FAM184B: variants seen among roughly 807,000 people sequenced by gnomAD.
FAM184B encodes the protein family with sequence similarity 184 member B.
In FAM184B, 111 loss-of-function variants were observed where a neutral mutation model predicts 135.9. The ratio of observed to expected loss-of-function variants is 0.82; its 90% CI spans 0.70 to 0.96. The LOEUF is 0.96. Ranked by LOEUF, FAM184B falls within the 40% of genes least tolerant of loss-of-function variation. The pLI is 0.00. For synonymous variants in FAM184B, 552 were observed against 524.8 expected (o/e 1.05, Z -0.71); for missense variants, 1,375 against 1,323.9 (o/e 1.04, Z -0.60).
At chr4:17,664,699 A>C in intron 7 of FAM184B, 40 bp from the exon 8 acceptor site, 1 of 1,441,642 alleles carries the variant, frequency 6.9e-7, no homozygotes, top group Non-Finnish European at 9.4e-7. Context: ...AAAAAAGGCA[A>C]GATGAGCTTA....
At chr4:17,778,997 A>G (rs1469491606) in intron 1 of FAM184B, among the ~76,000 whole-genome samples, 2 of 152,256 alleles carry the variant, frequency 1.3e-5, no homozygotes, top group African/African-American at 4.8e-5. Context: ...TGTTAGCAAA[A>G]AAATCAGAGT....
chr4:17,709,688 G>A, intron 1 of FAM184B, 44 bp from the exon 2 acceptor site: 1 of 1,442,974 alleles, frequency 6.9e-7, no homozygotes, highest in Non-Finnish European at 9.1e-7. Flanking sequence ...AGGGGGCTGG[G>A]GTGTGGGAGG....
intron 10 of FAM184B, among the ~76,000 whole-genome samples, chr4:17,654,200 T>C (rs918936134): frequency 3.3e-5 from 5 of 151,958 alleles, no homozygotes; most frequent in Non-Finnish European, 5.9e-5. Flanking sequence ...CTGCTTTTTT[T>C]TTTTTTTCCA....
chr4:17,696,212 G>C (rs6837664), intron 5 of FAM184B, among the ~76,000 whole-genome samples: 93,077 of 152,054 alleles, frequency 0.61, 29,063 homozygotes, highest in East Asian at 0.93. Context: ...ACTTAAAGAG[G>C]TTAAACGCCT....
chr4:17,708,700 TATATATATA>T (rs1473183013), intron 2 of FAM184B, among the ~76,000 whole-genome samples, 183 bp downstream of exon 2: 18 of 54,252 alleles, frequency 3.3e-4, no homozygotes, highest in East Asian at 8.0e-4. Flanking sequence ...TATATATATA[TATATATATA>T]GTGTCTGTGT....
intron 8 of FAM184B, among the ~76,000 whole-genome samples, chr4:17,663,230 C>A (rs1019314245): frequency 7.9e-5 from 12 of 152,172 alleles, no homozygotes; most frequent in Admixed American, 3.9e-4. Flanking sequence ...AGCCACCATG[C>A]CCGGCCTCAC....
At chr4:17,746,770 G>T (rs996928035) in intron 1 of FAM184B, among the ~76,000 whole-genome samples, 1 of 151,228 alleles carries the variant, frequency 6.6e-6, no homozygotes, top group Non-Finnish European at 1.5e-5. Flanking sequence ...GGGCACGATG[G>T]CTCACACCTG....
chr4:17,748,490 T>G (rs1260311291), intron 1 of FAM184B, among the ~76,000 whole-genome samples: 3 of 149,068 alleles, frequency 2.0e-5, no homozygotes, highest in African/African-American at 7.4e-5. Flanking sequence ...TCCCTTACTT[T>G]AATCCTCTTG....
At chr4:17,767,414 T>C (rs931932782) in intron 1 of FAM184B, among the ~76,000 whole-genome samples, 1 of 152,104 alleles carries the variant, frequency 6.6e-6, no homozygotes, top group Non-Finnish European at 1.5e-5. Context: ...TTGGTTCCTA[T>C]GAAAACAGGA....
rs918013873 is a variant in FAM184B at position 17,652,848 on chromosome 4, G to T, written c.2173C>A (p.Gln725Lys). 6 of 1,551,324 alleles carry T rather than the reference G, an allele frequency of 3.9e-6. No homozygotes were observed. Among genetic ancestry groups the T allele is most frequent in the Non-Finnish European group, 5.2e-6 (6 of 1,146,966 alleles). ...TGTATACCTAGCAGCAGGGCCTGCT[G>T]TGCCTGCATCCTCTCACGCTCCTCC... ...LQEERERMQA[Q>K]QALLLESLRQ... The change falls in exon 11 of 18, where the codon CAG (glutamine) becomes AAG (lysine). Residue 725 changes from glutamine (Q) to lysine (K), a missense_variant. By Grantham distance (53) the Gln-to-Lys change is moderately conservative. Transcript: ENST00000265018.
intron 6 of FAM184B, among the ~76,000 whole-genome samples, chr4:17,690,198 C>T (rs1716700346): frequency 6.6e-6 from 1 of 151,996 alleles, no homozygotes; most frequent in Non-Finnish European, 1.5e-5. Context: ...CAGGGGCATT[C>T]AAGCAGCTTA....
At chr4:17,773,135 T>A (rs573717311) in intron 1 of FAM184B, among the ~76,000 whole-genome samples, 1 of 152,220 alleles carries the variant, frequency 6.6e-6, no homozygotes, top group Non-Finnish European at 1.5e-5. Context: ...ATTAATACGA[T>A]GTTGGACAAG....
rs180726943 is a variant in FAM184B, at chr4:17,749,106, T to A, written c.141+32053A>T. Among the ~76,000 whole-genome samples the A allele has an allele frequency of 2.1e-4, 32 of 151,882 alleles. 1 individual carries two copies. The East Asian group carries it at 6.0e-3, about 28-fold the overall frequency. On this transcript the variant is annotated intron_variant, in intron 1 of 17. Transcript: ENST00000265018. ...ACTTCAACCTCCTGAGTAGCTGGGA[T>A]TACAGGCAGAGCCACTATGCTCAGC...
At chr4:17,726,701 C>T (rs537285715) in intron 1 of FAM184B, among the ~76,000 whole-genome samples, 4 of 152,248 alleles carry the variant, frequency 2.6e-5, no homozygotes, top group African/African-American at 9.6e-5. Context: ...CTACTTTTCC[C>T]CATCCCATAG....
intron 7 of FAM184B, 131 bp downstream of exon 7, chr4:17,688,293 G>A (rs1419501021): frequency 1.1e-5 from 7 of 618,288 alleles, no homozygotes; most frequent in Admixed American, 3.7e-5. Flanking sequence ...TTTTTTTTCC[G>A]GGCATTTTGG....
chr4:17,719,830 A>G (rs974918909), intron 1 of FAM184B, among the ~76,000 whole-genome samples: 2 of 152,194 alleles, frequency 1.3e-5, no homozygotes, highest in Non-Finnish European at 2.9e-5. Flanking sequence ...CCACTCAAAC[A>G]GCTCATCAGA....
intron 1 of FAM184B, among the ~76,000 whole-genome samples, chr4:17,742,178 T>TG (rs1182812885): frequency 1.4e-5 from 2 of 141,250 alleles, no homozygotes; most frequent in Non-Finnish European, 3.1e-5. Context: ...ATTTTTTTTT[T>TG]TTAAAGAGGC....
At chr4:17,702,036 G>T (rs1283810607) in intron 5 of FAM184B, among the ~76,000 whole-genome samples, 2 of 152,172 alleles carry the variant, frequency 1.3e-5, no homozygotes, top group Non-Finnish European at 2.9e-5. Flanking sequence ...CAATGCGCAG[G>T]GCCCAGTGTG....
At chr4:17,659,565 T>C (rs958892694) in intron 9 of FAM184B, among the ~76,000 whole-genome samples, 6 of 151,926 alleles carry the variant, frequency 3.9e-5, no homozygotes, top group Non-Finnish European at 7.4e-5. Context: ...CGGCTCACTA[T>C]AACCTCTGCC....
Sources: allele counts gnomAD v4.1 joint callset (sites outside exome capture counted in the v4.1 genomes callset), GRCh38; gene constraint gnomAD v4.1.1; transcripts MANE v1.5; gene names NCBI Gene and HGNC (gene_info 2026-07-23, HGNC 2026-07-21).